Variants in VPS8 observed in about 807,000 individuals in gnomAD.
The protein encoded by VPS8 is vacuolar protein sorting-associated protein 8 homolog.
A neutral mutation model predicts 216.4 loss-of-function variants in VPS8; 129 were observed. The observed-to-expected ratio is 0.60, with a 90% CI of 0.52 to 0.69. The LOEUF (loss-of-function observed/expected upper bound fraction) is 0.69, where lower values mean the gene tolerates loss of function less well. Among genes scored for constraint, VPS8 ranks in the 30% least tolerant of loss-of-function variants. The probability of loss-of-function intolerance (pLI) is 0.00; values close to 1 mark genes in which losing one functional copy is unlikely to be tolerated. For missense variants in VPS8, 1,531 were observed against 1,683.5 expected, an observed-to-expected ratio of 0.91 and a Z score of 1.59; for synonymous variants, 571 against 565.4, an observed-to-expected ratio of 1.01 and a Z score of -0.14.
chr3:184,887,019 G>T (rs983571918), intron 22 of VPS8, among the ~76,000 whole-genome samples: 7 of 152,036 alleles, frequency 4.6e-5, no homozygotes, highest in Non-Finnish European at 1.0e-4. Context: ...TCTTGATTAG[G>T]CTTTGTTAGT....
intron 16 of VPS8, among the ~76,000 whole-genome samples, chr3:184,866,079 T>G (rs1010460180): frequency 6.6e-6 from 1 of 152,108 alleles, no homozygotes; most frequent in African/African-American, 2.4e-5. Context: ...AAACACACGC[T>G]TATATAAAAA....
intron 45 of VPS8, among the ~76,000 whole-genome samples, chr3:185,011,982 C>A (rs1755071631): frequency 1.3e-5 from 2 of 151,984 alleles, no homozygotes; most frequent in Non-Finnish European, 1.5e-5. Flanking sequence ...TGAAGTAAAA[C>A]CAAGTGTAAA....
At chr3:184,877,717 G>T (rs1729529816) in intron 21 of VPS8, among the ~76,000 whole-genome samples, 1 of 152,248 alleles carries the variant, frequency 6.6e-6, no homozygotes, top group South Asian at 2.1e-4. Context: ...ACCCTGTACT[G>T]TACTATGTTT....
intron 21 of VPS8, among the ~76,000 whole-genome samples, chr3:184,873,255 A>T (rs1203713299): frequency 6.6e-6 from 1 of 152,122 alleles, no homozygotes; most frequent in Non-Finnish European, 1.5e-5. Context: ...TGGGACTCAT[A>T]TCCAGGTCTT....
intron 14 of VPS8, 115 bp downstream of exon 14, chr3:184,855,933 C>G (rs1725168373): frequency 2.6e-6 from 2 of 769,284 alleles, no homozygotes; most frequent in African/African-American, 3.6e-5. Context: ...GAGAGAGTGA[C>G]CTATTTAATT....
intron 40 of VPS8, among the ~76,000 whole-genome samples, chr3:184,976,214 TCA>T (rs1749244782): frequency 6.6e-6 from 1 of 152,186 alleles, no homozygotes. Flanking sequence ...TTTTAATTAA[TCA>T]CAGTGTTTTA....
intron 17 of VPS8, among the ~76,000 whole-genome samples, chr3:184,867,738 C>T (rs954744280): frequency 6.6e-6 from 1 of 152,010 alleles, no homozygotes; most frequent in Non-Finnish European, 1.5e-5. Flanking sequence ...CTCAGCTACT[C>T]GAGAAGCTGA....
At chr3:184,862,758 T>C (rs1411596213) in intron 15 of VPS8, 139 bp from the exon 16 acceptor site, 1 of 813,902 alleles carries the variant, frequency 1.2e-6, no homozygotes, top group South Asian at 1.8e-5. Flanking sequence ...TAGTTCTTGC[T>C]TTGATTGTGT....
chr3:184,860,338 C>T (rs957783957), intron 15 of VPS8, among the ~76,000 whole-genome samples: 1 of 124,252 alleles, frequency 8.0e-6, no homozygotes, highest in Non-Finnish European at 1.6e-5. Context: ...TAGTGAGACC[C>T]TGTCTCTTAA....
At chr3:185,018,771 G>T (rs1004331817) in intron 45 of VPS8, among the ~76,000 whole-genome samples, 3 of 152,170 alleles carry the variant, frequency 2.0e-5, no homozygotes, top group South Asian at 2.1e-4. Context: ...AATCTGGGGG[G>T]TGTATTCTAA....
chr3:184,868,055 G>A lies in VPS8; in HGVS notation c.1502G>A (p.Arg501Lys), dbSNP rs774598990. 9 of 1,612,994 alleles carry A rather than the reference G, an allele frequency of 5.6e-6. No individual in the cohort carries two copies. Among genetic ancestry groups the A allele is most frequent in the East Asian group, 2.2e-5 (1 of 44,848 alleles). Residue 501 changes from arginine to lysine, a missense_variant, in exon 18 of 48, where the codon AGA becomes AAA. Arg to Lys is a conservative substitution (Grantham distance 26, BLOSUM62 2). Coordinates refer to ENST00000625842, the MANE Select transcript of VPS8 (RefSeq NM_001009921.3). ...TATGTGATGATGCTGAGGAGCTGGA[G>A]AGAGGTGAGTTCCAAGTAATTTCAC... ...SVYVMMLRSW[R>K]ERVDHLLKQD...
chr3:184,887,755 T>C (rs1731549269), intron 22 of VPS8, among the ~76,000 whole-genome samples: 1 of 152,180 alleles, frequency 6.6e-6, no homozygotes, highest in Non-Finnish European at 1.5e-5. Flanking sequence ...TTCATGAATT[T>C]ATGTAAATTC....
chr3:184,966,523 G>A (rs1023183813), intron 38 of VPS8, 148 bp from the exon 39 acceptor site: 7 of 457,192 alleles, frequency 1.5e-5, no homozygotes, highest in African/African-American at 4.0e-5. Flanking sequence ...ATAAACAGAA[G>A]AGTTTACTTC....
chr3:184,909,946 C>G (rs1736168612), intron 25 of VPS8, among the ~76,000 whole-genome samples: 1 of 151,862 alleles, frequency 6.6e-6, no homozygotes, highest in Admixed American at 6.6e-5. Context: ...AGATAATTTT[C>G]TTGGTGGGCT....
At chr3:184,907,424 TTCTTA>T (rs1240973976) in intron 25 of VPS8, among the ~76,000 whole-genome samples, 1 of 152,202 alleles carries the variant, frequency 6.6e-6, no homozygotes, top group East Asian at 1.9e-4. Flanking sequence ...GGTATGTAGC[TTCTTA>T]TCTTTGTAGC....
intron 21 of VPS8, among the ~76,000 whole-genome samples, chr3:184,881,705 A>G (rs1473272746): frequency 4.6e-5 from 7 of 152,132 alleles, no homozygotes; most frequent in African/African-American, 1.4e-4. Flanking sequence ...TATAAATTAC[A>G]TTAAACACAT....
intron 46 of VPS8, among the ~76,000 whole-genome samples, chr3:185,042,154 A>G (rs569067804): frequency 2.6e-5 from 4 of 152,330 alleles, no homozygotes; most frequent in African/African-American, 7.2e-5. Context: ...GGTGGGTATT[A>G]TTCCAGACAT....
chr3:184,868,969 A>G lies in VPS8; in HGVS notation c.1530A>G (p.Gln510=). ...AGAGAGTGGATCATCTCCTGAAACA[A>G]GATTGTCTTACAGAAGCGTTGGCTC... The part of the protein sequence containing the change: ...WRERVDHLLK[Q]DCLTEALALA... The change falls in exon 19 of 48, where the codon CAA becomes CAG. Residue 510 remains glutamine, a synonymous_variant. Coordinates refer to ENST00000625842, the MANE Select transcript of VPS8 (RefSeq NM_001009921.3). 6.2e-7 allele frequency: 1 copy of G among 1,610,244 alleles called. No homozygotes were observed. The highest frequency in any genetic ancestry group is 1.7e-4 in the Middle Eastern group (1 of 6,052).
rs542687591 is a variant in VPS8 at position 185,028,740 on chromosome 3, C to T, written c.4056+4351C>T. 3.3e-5 allele frequency among the ~76,000 whole-genome samples: 5 copies of T among 152,288 alleles called. 1 individual carries two copies. In the South Asian group the frequency reaches 8.3e-4, roughly 25 times the overall value. ...GAGCTCACAGCGCTCTGAATTAGTC[C>T]CTACCAATACCTGGGTGGGTTGAGA... On this transcript the variant is annotated intron_variant, in intron 46 of 47. Coordinates refer to ENST00000625842, the MANE Select transcript of VPS8 (RefSeq NM_001009921.3).
Sources: allele counts gnomAD v4.1 joint callset (sites outside exome capture counted in the v4.1 genomes callset), GRCh38; gene constraint gnomAD v4.1.1; transcripts MANE v1.5; gene names NCBI Gene and HGNC (gene_info 2026-07-23, HGNC 2026-07-21).